The following MTOR variants were observed in gnomAD, a reference collection of about 807,000 sequenced individuals.
MTOR encodes serine/threonine-protein kinase mTOR.
A neutral mutation model predicts 319.8 loss-of-function variants in MTOR; 70 were observed. The observed-to-expected ratio is 0.22, with a 90% CI of 0.18 to 0.27. The LOEUF is 0.27. Ranked by LOEUF, MTOR falls within the 10% of genes least tolerant of loss-of-function variation. MTOR has a pLI of 1.00. For synonymous variants in MTOR, 1,183 were observed against 1,211.4 expected (o/e 0.98, Z 0.49); for missense variants, 1,890 against 3,274.4 (o/e 0.58, Z 10.32).
chr1:11,247,597 T>C, intron 8 of MTOR, 28 bp downstream of exon 8: 1 of 1,600,478 alleles, frequency 6.2e-7, no homozygotes. Context: ...CTGAGATGGG[T>C]AATGATGTCT....
chr1:11,150,198 T>C lies in MTOR; in HGVS notation c.4498A>G (p.Lys1500Glu), dbSNP rs1328288566. ...WGQLHQQCCE[K>E]WTLVNDETQA... The stretch of plus-strand genomic sequence containing the variant: ...GTCTCATCATTAACCAGGGTCCACT[T>C]TTCACAGCACTGCTGGTGGAGTTGA... Residue 1500 changes from lysine (K) to glutamate (E), a missense_variant, in exon 31 of 58, where the codon AAG (lysine) becomes GAG (glutamate). Transcript: ENST00000361445. The C allele has an allele frequency of 1.2e-6, 2 of 1,614,062 alleles. No homozygotes were observed. Among genetic ancestry groups the C allele is most frequent in the South Asian group, 2.2e-5 (2 of 91,066 alleles).
intron 57 of MTOR, among the ~76,000 whole-genome samples, 172 bp downstream of exon 57, chr1:11,108,009 T>C (rs1392256897): frequency 1.3e-5 from 2 of 152,206 alleles, no homozygotes; most frequent in African/African-American, 4.8e-5. Flanking sequence ...TCTCAGTTTC[T>C]TTTTTTATAA....
chr1:11,251,812 T>C lies in MTOR; in HGVS notation c.840+2027A>G, dbSNP rs188661075. On this transcript the variant is annotated intron_variant, in intron 6 of 57. Transcript: ENST00000361445. ...CAGCCTTGGATAGTTTCTTATAATT[T>C]ACAAACCACCTGCACAAGAACTATT... 7.2e-5 allele frequency among the ~76,000 whole-genome samples: 11 copies of C among 152,210 alleles called. No homozygotes were observed. In the East Asian group the frequency reaches 2.1e-3, roughly 29 times the overall value.
chr1:11,200,026 C>A (rs1414654500), intron 26 of MTOR, among the ~76,000 whole-genome samples: 1 of 152,110 alleles, frequency 6.6e-6, no homozygotes, highest in East Asian at 1.9e-4. Context: ...GGGCGAGTGG[C>A]AGGGCGGGGA....
At chr1:11,231,126 C>G in intron 17 of MTOR, 72 bp from the exon 18 acceptor site, 1 of 1,608,058 alleles carries the variant, frequency 6.2e-7, no homozygotes, top group Non-Finnish European at 8.5e-7. Context: ...CACGGATACT[C>G]CTCTCAGGTT....
intron 6 of MTOR, among the ~76,000 whole-genome samples, chr1:11,252,286 T>C (rs1225498447): frequency 6.6e-6 from 1 of 152,172 alleles, no homozygotes; most frequent in Non-Finnish European, 1.5e-5. Context: ...GATTTTTTTT[T>C]TCTTTTTAAA....
intron 20 of MTOR, among the ~76,000 whole-genome samples, chr1:11,215,362 A>T (rs903909279): frequency 4.3e-4 from 66 of 152,074 alleles, no homozygotes; most frequent in African/African-American, 2.4e-5. Flanking sequence ...ACATGTAGGG[A>T]GGTTTTCAGT....
Position 11,115,354 on chromosome 1 carries a change from C to T in MTOR, c.7089+42G>A, listed in dbSNP as rs1431938989. On this transcript the variant is annotated intron_variant, in intron 51 of 57. Coordinates refer to ENST00000361445, the MANE Select transcript of MTOR (RefSeq NM_004958.4). This position sits in a 1 kb window ranked among gnomAD's most constrained non-coding sequence, Gnocchi z 4.5. ...GTGTCAGAGGAGGGGGAAAAGTGATCACCCGGGAAGATGAGGTTGGGGTTC... is the reference window on the plus strand; with the variant it reads ...GTGTCAGAGGAGGGGGAAAAGTGATTACCCGGGAAGATGAGGTTGGGGTTC... The T allele has an allele frequency of 6.3e-7, 1 of 1,593,586 alleles. No homozygotes were observed. Among genetic ancestry groups the T allele is most frequent in the South Asian group, 1.1e-5 (1 of 90,592 alleles).
chr1:11,133,044 G>C lies in MTOR; in HGVS notation c.5364+36C>G. On this transcript the variant is annotated intron_variant, in intron 38 of 57. Transcript: ENST00000361445. The surrounding 1 kb of genome is among the most constrained non-coding windows in gnomAD (Gnocchi z 4.0). The stretch of plus-strand genomic sequence containing the variant: ...ACACAGGAGGACACGAGCCAGCCAG[G>C]GTGCTGGGTCTCACAGGTGGCCTGC... The C allele has an allele frequency of 1.3e-6, 2 of 1,566,678 alleles. No homozygotes were observed. Among genetic ancestry groups the C allele is most frequent in the African/African-American group, 1.4e-5 (1 of 74,050 alleles).
At chr1:11,198,149 C>G (rs1277888203) in intron 28 of MTOR, among the ~76,000 whole-genome samples, 1 of 152,156 alleles carries the variant, frequency 6.6e-6, no homozygotes, top group Non-Finnish European at 1.5e-5. Flanking sequence ...TTTCTATGAG[C>G]TATCAAGTGA....
intron 34 of MTOR, among the ~76,000 whole-genome samples, chr1:11,140,615 G>A (rs1290472809): frequency 6.6e-6 from 1 of 152,166 alleles, no homozygotes; most frequent in African/African-American, 2.4e-5. Flanking sequence ...TCCTGCCTCT[G>A]TCACTTGCTA....
At chr1:11,194,717 G>C in intron 28 of MTOR, 1 of 1,609,802 alleles carries the variant, frequency 6.2e-7, no homozygotes, top group Non-Finnish European at 8.5e-7. Context: ...AATCCCACTT[G>C]AGGAGAAAGA....
In MTOR at chr1:11,241,689, GA is replaced by G; in HGVS notation, c.1413-9del. 6.2e-7 allele frequency: 1 copy of G among 1,608,046 alleles called. No individual in the cohort carries two copies. The highest frequency in any genetic ancestry group is 8.5e-7 in the Non-Finnish European group (1 of 1,175,934). ...TGCATTGCCTTCTGCCTCCTGTAGA[GA>G]AATGGAGAGTGGCTAGTTGAGACAT... On this transcript the variant is annotated splice_polypyrimidine_tract_variant and intron_variant, in intron 9 of 57. Coordinates refer to ENST00000361445, the MANE Select transcript of MTOR (RefSeq NM_004958.4).
chr1:11,235,202 G>C lies in MTOR; in HGVS notation c.2209-937C>G, dbSNP rs549830572. On this transcript the variant is annotated intron_variant, in intron 13 of 57. Transcript: ENST00000361445. ...AAGGAAATGTGCCTCACGGAGCAGA[G>C]CCCAACTATCTGCAGCAGTGCGGGG... 2.0e-5 allele frequency among the ~76,000 whole-genome samples: 3 copies of C among 152,292 alleles called. No individual in the cohort carries two copies. In the South Asian group the frequency reaches 6.2e-4, roughly 32 times the overall value.
chr1:11,135,282 G>T (rs1194576971), intron 36 of MTOR, among the ~76,000 whole-genome samples: 2 of 151,780 alleles, frequency 1.3e-5, no homozygotes, highest in African/African-American at 4.8e-5. Context: ...TCTAGAGGGG[G>T]GAAAACCCAC....
intron 47 of MTOR, among the ~76,000 whole-genome samples, chr1:11,122,697 C>T (rs374481242): frequency 5.9e-4 from 90 of 151,648 alleles, no homozygotes; most frequent in African/African-American, 2.1e-3. Context: ...TTAGTAGAGA[C>T]GGGGTTTCAC....
chr1:11,107,308 CAACAGCAGCT>C lies in MTOR; in HGVS notation c.*167_*176del, dbSNP rs1641625596. 15 of 1,482,854 alleles carry C rather than the reference CAACAGCAGCT, an allele frequency of 1.0e-5. No individual in the cohort carries two copies. The highest frequency in any genetic ancestry group is 1.3e-5 in the Non-Finnish European group (15 of 1,118,516). The allele number at this position is 1,482,854 out of a possible 1,614,324, so 91.9% of individuals were successfully genotyped here. On this transcript the variant is annotated 3_prime_UTR_variant, in exon 58 of 58. Coordinates refer to ENST00000361445, the MANE Select transcript of MTOR (RefSeq NM_004958.4). ...CTTGTGTTTCTGACAATATATTCTT[CAACAGCAGCT>C]AGAAAGTTGGTTCAAACCAACTTTT...
intron 30 of MTOR, among the ~76,000 whole-genome samples, chr1:11,153,826 T>C (rs1571009534): frequency 6.6e-6 from 1 of 152,056 alleles, no homozygotes; most frequent in East Asian, 1.9e-4. Context: ...CCTAGACCTT[T>C]GAGAGGCTGA....
intron 28 of MTOR, among the ~76,000 whole-genome samples, chr1:11,191,657 C>T (rs1303751372): frequency 2.0e-5 from 3 of 152,170 alleles, no homozygotes; most frequent in Admixed American, 1.3e-4. Context: ...CAGTCTGATG[C>T]TCTCATTTCA....
Sources: allele counts gnomAD v4.1 joint callset (sites outside exome capture counted in the v4.1 genomes callset), GRCh38; gene constraint gnomAD v4.1.1; non-coding constraint Gnocchi (gnomAD v3.1); transcripts MANE v1.5; gene names NCBI Gene and HGNC (gene_info 2026-07-23, HGNC 2026-07-21).